Variants in OSGIN2 observed in about 807,000 individuals in gnomAD.
OSGIN2 encodes the protein oxidative stress induced growth inhibitor family member 2, also known as oxidative stress-induced growth inhibitor 2.
In OSGIN2, 19 loss-of-function variants were observed where a neutral mutation model predicts 53.8. The observed-to-expected ratio is 0.35, with a 90% CI of 0.25 to 0.52. The LOEUF (loss-of-function observed/expected upper bound fraction) is 0.52. Ranked by LOEUF, OSGIN2 falls within the 20% of genes least tolerant of loss-of-function variation. The pLI, the probability that OSGIN2 is intolerant of heterozygous loss-of-function variation, is 0.95. For synonymous variants in OSGIN2, 236 were observed against 236.0 expected, an observed-to-expected ratio of 1.00 and a Z score of 0.00; for missense variants, 520 against 662.7, an observed-to-expected ratio of 0.78 and a Z score of 2.36.
intron 5 of OSGIN2, among the ~76,000 whole-genome samples, chr8:89,923,250 T>C (rs961907404): frequency 6.6e-6 from 1 of 152,254 alleles, no homozygotes; most frequent in Non-Finnish European, 1.5e-5. Context: ...TAGGAATTTT[T>C]CAGCTCCTTT....
chr8:89,924,615 G>T lies in OSGIN2; in HGVS notation c.733G>T (p.Val245Leu), dbSNP rs138873812. The T allele has an allele frequency of 6.2e-7, 1 of 1,613,686 alleles. No homozygotes were observed. The highest frequency in any genetic ancestry group is 8.5e-7 in the Non-Finnish European group (1 of 1,179,666). ...NFRENTYITS[V>L]SRLYRDQDDD... ...CAGAGAGAATACTTACATAACTTCC[G>T]TATCAAGACTCTACAGAGATCAAGA... The change falls in exon 6 of 6, where the codon GTA becomes TTA. Residue 245 changes from valine to leucine, a missense_variant. By Grantham distance (32) the Val-to-Leu change is conservative (BLOSUM62 1). Coordinates refer to ENST00000451899, the MANE Select transcript of OSGIN2 (RefSeq NM_001126111.3).
intron 1 of OSGIN2, among the ~76,000 whole-genome samples, chr8:89,908,536 A>G (rs946279503): frequency 6.6e-6 from 1 of 152,150 alleles, no homozygotes; most frequent in Non-Finnish European, 1.5e-5. Context: ...ATGCTTATTT[A>G]TCATCTGAGA....
chr8:89,903,232 G>T (rs1808766547), intron 1 of OSGIN2, among the ~76,000 whole-genome samples: 4 of 152,232 alleles, frequency 2.6e-5, no homozygotes, highest in Admixed American at 2.6e-4. Flanking sequence ...TGGAAGGAAG[G>T]TAGGGAACTA....
chr8:89,904,474 A>T (rs1315911582), intron 1 of OSGIN2, among the ~76,000 whole-genome samples: 1 of 152,212 alleles, frequency 6.6e-6, no homozygotes, highest in East Asian at 1.9e-4. Context: ...GATAAACATT[A>T]TGATTAATAA....
chr8:89,912,058 C>A (rs1808979526), intron 2 of OSGIN2, among the ~76,000 whole-genome samples: 1 of 151,878 alleles, frequency 6.6e-6, no homozygotes, highest in South Asian at 2.1e-4. Context: ...TTCTAGTATT[C>A]TTATGGTTTT....
In OSGIN2 at chr8:89,924,906, C is replaced by T. The variant is rs533674331; in HGVS notation, c.1024C>T (p.Arg342Cys). The change falls in exon 6 of 6, where the codon CGT (arginine) becomes TGT (cysteine). Residue 342 changes from arginine to cysteine, a missense_variant. This residue lies in a region of OSGIN2 where 239 missense variants were observed against 328.3 expected (regional missense o/e 0.73). Transcript: ENST00000451899. Reference protein sequence around the residue: ...FGAAINKGKLRGKVDPVLIVG... With the variant: ...FGAAINKGKLCGKVDPVLIVG... ...AGCTGCTATAAACAAAGGAAAGTTG[C>T]GTGGCAAAGTGGATCCAGTGTTAAT... The T allele has an allele frequency of 1.9e-5, 30 of 1,614,128 alleles. No individual in the cohort carries two copies. The highest frequency in any genetic ancestry group is 1.6e-4 in the Middle Eastern group (1 of 6,062).
In OSGIN2 at chr8:89,902,779, C is replaced by G; in HGVS notation, c.-15C>G. 1 of 1,247,132 alleles carries G rather than the reference C, an allele frequency of 8.0e-7. No individual in the cohort carries two copies. The highest frequency in any genetic ancestry group is 3.2e-5 in the East Asian group (1 of 31,178). 77.3% of individuals were successfully genotyped at this position (1,247,132 alleles called of 1,614,324 possible). A position where few individuals can be genotyped will look rare whatever the true frequency, so the allele number is the denominator to read the frequency against. On this transcript the variant is annotated 5_prime_UTR_variant, in exon 1 of 6. Transcript: ENST00000451899. ...CCACGGCGGCCGCGCTCGGGCGCCC[C>G]TCGCGCAGCGCTCCATGCCCGTGTG...
chr8:89,924,675 A>C lies in OSGIN2; in HGVS notation c.793A>C (p.Lys265Gln). The stretch of plus-strand genomic sequence containing the variant: ...TATTCAAGACAGAGATATTTCAACA[A>C]AGCATTTACAGATAGAGAAGTCAAA... ...DDIQDRDIST[K>Q]HLQIEKSNFI... The change falls in exon 6 of 6, where the codon AAG becomes CAG. Residue 265 changes from lysine (K) to glutamine (Q), a missense_variant. Physicochemically the swap from Lys to Gln is moderately conservative, Grantham distance 53. This residue lies in a region of OSGIN2 where 78 missense variants were observed against 59.1 expected (regional missense o/e 1.32). Coordinates refer to ENST00000451899, the MANE Select transcript of OSGIN2 (RefSeq NM_001126111.3). 1 of 1,614,154 alleles carries C rather than the reference A, an allele frequency of 6.2e-7. No individual in the cohort carries two copies. Among genetic ancestry groups the C allele is most frequent in the Non-Finnish European group, 8.5e-7 (1 of 1,179,960 alleles).
intron 2 of OSGIN2, among the ~76,000 whole-genome samples, chr8:89,913,199 G>A (rs1809007583): frequency 6.6e-6 from 1 of 152,058 alleles, no homozygotes; most frequent in South Asian, 2.1e-4. Flanking sequence ...CGAACCTTGT[G>A]GCCTTTCATT....
At position 89,924,849 on chromosome 8, in the gene OSGIN2, C is replaced by T; in HGVS notation, c.967C>T (p.Pro323Ser). Residue 323 changes from proline to serine, a missense_variant, in exon 6 of 6, where the codon CCT becomes TCT. Physicochemically the swap from Pro to Ser is moderately conservative, Grantham distance 74. Coordinates refer to ENST00000451899, the MANE Select transcript of OSGIN2 (RefSeq NM_001126111.3). ...TCTGGAAATTGAAGGGGAAGATTTT[C>T]CTTTTGTGTTTCATTCAATGCCTGA... ...AHLEIEGEDF[P>S]FVFHSMPEFG... 3 of 1,614,116 alleles carry T rather than the reference C, an allele frequency of 1.9e-6. No homozygotes were observed. The highest frequency in any genetic ancestry group is 1.7e-6 in the Non-Finnish European group (2 of 1,180,022).
chr8:89,914,790 G>T, intron 4 of OSGIN2, 44 bp downstream of exon 4: 7 of 1,404,560 alleles, frequency 5.0e-6, no homozygotes, highest in Non-Finnish European at 7.0e-6. Context: ...TGAATTATTT[G>T]TCTTGATAAG....
chr8:89,921,239 A>G (rs1809194648), intron 5 of OSGIN2, 68 bp downstream of exon 5: 4 of 876,522 alleles, frequency 4.6e-6, no homozygotes, highest in East Asian at 2.5e-5. Context: ...AAATTTCAAA[A>G]TATTTGTGAT....
At chr8:89,917,294 TCA>T (rs1440212530) in intron 4 of OSGIN2, among the ~76,000 whole-genome samples, 1 of 152,220 alleles carries the variant, frequency 6.6e-6, no homozygotes, top group African/African-American at 2.4e-5. Context: ...TCCTTTCTGA[TCA>T]CAGTTTCCTG....
At chr8:89,905,276 G>A (rs1221665285) in intron 1 of OSGIN2, among the ~76,000 whole-genome samples, 1 of 152,172 alleles carries the variant, frequency 6.6e-6, no homozygotes, top group Non-Finnish European at 1.5e-5. Context: ...TAACAATAGA[G>A]TAACTAATTT....
intron 4 of OSGIN2, among the ~76,000 whole-genome samples, chr8:89,916,621 C>G (rs2130704599): frequency 6.6e-6 from 1 of 152,306 alleles, no homozygotes; most frequent in South Asian, 2.1e-4. Context: ...TCACCCCTCT[C>G]TCCTACTTAG....
chr8:89,908,829 C>T (rs1407581159), intron 1 of OSGIN2, among the ~76,000 whole-genome samples: 4 of 150,614 alleles, frequency 2.7e-5, no homozygotes, highest in Non-Finnish European at 5.9e-5. Context: ...GGTAACATAG[C>T]GAGATCCTAT....
At position 89,902,844 on chromosome 8, in the gene OSGIN2, TC is replaced by T; in HGVS notation, c.44+9del. ...CCCTGGCCGGTCATTTCAGGTGACT[TC>T]CTCGCCGGGGATGGGAGGGGAGCAG... On this transcript the variant is annotated splice_region_variant and intron_variant, in intron 1 of 5. Transcript: ENST00000451899. The T allele has an allele frequency of 7.3e-7, 1 of 1,379,248 alleles. No individual in the cohort carries two copies. Among genetic ancestry groups the T allele is most frequent in the Non-Finnish European group, 9.6e-7 (1 of 1,046,194 alleles). 85.4% of individuals were successfully genotyped at this position (1,379,248 alleles called of 1,614,324 possible).
At chr8:89,917,755 C>T (rs573199217) in intron 4 of OSGIN2, among the ~76,000 whole-genome samples, 2 of 152,204 alleles carry the variant, frequency 1.3e-5, no homozygotes, top group African/African-American at 4.8e-5. Context: ...AAACCGAAAA[C>T]TTACACATTG....
rs1280115096 is a variant in OSGIN2 at position 89,925,784 on chromosome 8, ATTCTT to A, written c.*258_*262del. ...ACTTAAGCTTTCATTTAACTAAAAC[ATTCTT>A]TTCTTGCAAAACTTATTTTTCATGA... On this transcript the variant is annotated 3_prime_UTR_variant, in exon 6 of 6. Transcript: ENST00000451899. The A allele has an allele frequency of 5.3e-6, 2 of 379,288 alleles. No individual in the cohort carries two copies. The highest frequency in any genetic ancestry group is 9.5e-6 in the Non-Finnish European group (2 of 211,454). 23.5% of individuals were successfully genotyped at this position (379,288 alleles called of 1,614,324 possible).
Sources: allele counts gnomAD v4.1 joint callset (sites outside exome capture counted in the v4.1 genomes callset), GRCh38; gene constraint gnomAD v4.1.1; regional missense constraint gnomAD v4.1.1; transcripts MANE v1.5; gene names NCBI Gene and HGNC (gene_info 2026-07-23, HGNC 2026-07-21).